Variants in LYPD6B observed in about 807,000 individuals in gnomAD.
The protein encoded by LYPD6B is LY6/PLAUR domain containing 6B.
Under a neutral mutation model 22.8 loss-of-function variants are expected in LYPD6B, and 17 were observed. The observed-to-expected ratio is 0.75, with a 90% confidence interval of 0.51 to 1.12. The LOEUF (loss-of-function observed/expected upper bound fraction) is 1.12. Ranked by LOEUF, LYPD6B falls within the 50% of genes most tolerant of loss-of-function variation. LYPD6B has a pLI of 0.00. For synonymous variants in LYPD6B, 106 were observed against 91.6 expected (o/e 1.16, Z -0.90); for missense variants, 221 against 258.3 (o/e 0.86, Z 0.99).
intron 1 of LYPD6B, among the ~76,000 whole-genome samples, chr2:149,103,889 G>A (rs1686339547): frequency 7.0e-6 from 1 of 142,958 alleles, no homozygotes; most frequent in South Asian, 2.2e-4. Context: ...CAATTCTCCT[G>A]CCTCAGCCTC....
intron 1 of LYPD6B, among the ~76,000 whole-genome samples, chr2:149,080,551 C>T (rs897701654): frequency 1.3e-5 from 2 of 151,984 alleles, no homozygotes; most frequent in African/African-American, 4.8e-5. Context: ...TTTAAGAATC[C>T]AGTATATTAG....
Position 149,208,399 on chromosome 2 carries a change from AT to A in LYPD6B, c.316del (p.Trp106GlyfsTer10), listed in dbSNP as rs764630626. On this transcript the variant is annotated frameshift_variant, in exon 5 of 7. Transcript: ENST00000409642. LOFTEE classifies it high-confidence loss of function. Reference protein sequence around the residue: ...YNCNRWAEDKWCPQNTQYCLT... With the variant: ...YNCNRWAEDKXCPQNTQYCLT... ...ACTGCAATCGATGGGCAGAAGACAAATGGTGTCCACAAAGTAAGTGTGCTGA... is the reference window on the plus strand; with the variant it reads ...ACTGCAATCGATGGGCAGAAGACAAAGGTGTCCACAAAGTAAGTGTGCTGA... 12 of 1,613,054 alleles carry A rather than the reference AT, an allele frequency of 7.4e-6. No individual in the cohort carries two copies. The highest frequency in any genetic ancestry group is 1.0e-5 in the Non-Finnish European group (12 of 1,179,076).
intron 1 of LYPD6B, among the ~76,000 whole-genome samples, chr2:149,097,435 C>T (rs979673265): frequency 6.6e-6 from 1 of 152,184 alleles, no homozygotes; most frequent in Non-Finnish European, 1.5e-5. Flanking sequence ...CAATTAAACC[C>T]GAATTACAGT....
chr2:149,212,029 A>G (rs1340366420), intron 5 of LYPD6B, among the ~76,000 whole-genome samples: 1 of 152,136 alleles, frequency 6.6e-6, no homozygotes, highest in Non-Finnish European at 1.5e-5. Flanking sequence ...AAATGGAAAT[A>G]CATGGATGAG....
chr2:149,045,796 G>T (rs944644107), intron 1 of LYPD6B, among the ~76,000 whole-genome samples: 1 of 151,978 alleles, frequency 6.6e-6, no homozygotes, highest in East Asian at 1.9e-4. Context: ...GTTCATATTT[G>T]TTTTATGACC....
intron 3 of LYPD6B, among the ~76,000 whole-genome samples, chr2:149,198,189 C>G (rs1323769047): frequency 6.6e-6 from 1 of 151,930 alleles, no homozygotes; most frequent in Non-Finnish European, 1.5e-5. Context: ...ATTACAGGCA[C>G]GTGCCACCAG....
At chr2:149,102,300 G>A (rs2105492743) in intron 1 of LYPD6B, among the ~76,000 whole-genome samples, 1 of 152,352 alleles carries the variant, frequency 6.6e-6, no homozygotes, top group African/African-American at 2.4e-5. Flanking sequence ...TTAGGAAACA[G>A]TGAGTTAGTA....
At chr2:149,104,386 C>G (rs1686365585) in intron 1 of LYPD6B, among the ~76,000 whole-genome samples, 1 of 152,186 alleles carries the variant, frequency 6.6e-6, no homozygotes, top group African/African-American at 2.4e-5. Flanking sequence ...TGCATCCTCA[C>G]CAACACCCAG....
chr2:149,113,342 A>G (rs1161357443), intron 1 of LYPD6B, among the ~76,000 whole-genome samples: 3 of 152,208 alleles, frequency 2.0e-5, no homozygotes, highest in South Asian at 2.1e-4. Context: ...AAAGGACTCA[A>G]TAATGCTCTT....
chr2:149,175,074 T>G (rs79356965), intron 3 of LYPD6B, among the ~76,000 whole-genome samples: 17,644 of 147,032 alleles, frequency 0.12, 1,180 homozygotes, highest in East Asian at 0.28. Flanking sequence ...TGTGTGTGTG[T>G]GTGTGTGTGT....
intron 1 of LYPD6B, among the ~76,000 whole-genome samples, chr2:149,084,736 A>G (rs557204821): frequency 6.6e-6 from 1 of 152,214 alleles, no homozygotes; most frequent in Non-Finnish European, 1.5e-5. Flanking sequence ...GTTCAGATTA[A>G]TAAGGACATT....
chr2:149,214,050 T>G (rs551759670), intron 6 of LYPD6B, among the ~76,000 whole-genome samples: 93 of 152,332 alleles, frequency 6.1e-4, no homozygotes, highest in African/African-American at 2.2e-3. Flanking sequence ...CTTTATTTTT[T>G]CTTACACCAC....
At chr2:149,086,770 G>A (rs1013654989) in intron 1 of LYPD6B, among the ~76,000 whole-genome samples, 8 of 152,080 alleles carry the variant, frequency 5.3e-5, no homozygotes, top group East Asian at 3.9e-4. Flanking sequence ...TGGCAGGGTC[G>A]GTTTCCTCTG....
intron 3 of LYPD6B, among the ~76,000 whole-genome samples, chr2:149,188,002 C>G (rs1692234236): frequency 6.6e-6 from 1 of 152,166 alleles, no homozygotes; most frequent in Non-Finnish European, 1.5e-5. Context: ...GCTGGGAAAA[C>G]ATTAGTTATT....
At chr2:149,043,556 T>C (rs1683182631) in intron 1 of LYPD6B, among the ~76,000 whole-genome samples, 1 of 152,184 alleles carries the variant, frequency 6.6e-6, no homozygotes, top group Admixed American at 6.5e-5. Context: ...GTCAGAAATG[T>C]AATTTGTAAA....
At chr2:149,040,392 A>C (rs538788766) in intron 1 of LYPD6B, among the ~76,000 whole-genome samples, 18 of 151,948 alleles carry the variant, frequency 1.2e-4, no homozygotes, top group African/African-American at 4.3e-4. Flanking sequence ...CGTGGGACTA[A>C]TTTTTGTATT....
chr2:149,179,988 TGAAAG>T (rs1380130449), intron 3 of LYPD6B, among the ~76,000 whole-genome samples: 1 of 152,198 alleles, frequency 6.6e-6, no homozygotes, highest in Non-Finnish European at 1.5e-5. Flanking sequence ...CTGACAATAA[TGAAAG>T]GAAATGTCAG....
rs376748920 is a variant in LYPD6B, at chr2:149,213,052, C to T, written c.389C>T (p.Thr130Ile). 44 of 1,613,888 alleles carry T rather than the reference C, an allele frequency of 2.7e-5. No homozygotes were observed. Among genetic ancestry groups the T allele is most frequent in the Middle Eastern group, 1.6e-4 (1 of 6,084 alleles). ...FTSHGRSTSI[T>I]KKCASRSECH... The stretch of plus-strand genomic sequence containing the variant: ...AGCCACGGAAGAAGCACATCCATCA[C>T]CAAAAAGTGTGCCTCCAGAAGTGAA... The change falls in exon 6 of 7, where the codon ACC becomes ATC. Residue 130 changes from threonine to isoleucine, a missense_variant. Physicochemically the swap from Thr to Ile is moderately conservative, Grantham distance 89. Coordinates refer to ENST00000409642, the MANE Select transcript of LYPD6B (RefSeq NM_177964.5).
At chr2:149,187,668 C>A in intron 3 of LYPD6B, 1 of 620,964 alleles carries the variant, frequency 1.6e-6, no homozygotes, top group Non-Finnish European at 2.5e-6. Context: ...ATTCTGTGGG[C>A]CACATTAGAA....
Sources: gnomAD v4.1 joint callset for allele counts (sites outside exome capture counted in the v4.1 genomes callset) on GRCh38, gnomAD v4.1.1 for gene constraint, MANE v1.5 for transcripts, NCBI Gene and HGNC (gene_info 2026-07-23, HGNC 2026-07-21) for gene names.